Variants in HOXD3 observed in about 807,000 individuals in gnomAD.
HOXD3 encodes homeobox protein Hox-D3.
HOXD3 carries 13 observed loss-of-function variants against 32.8 expected under a neutral mutation model. The ratio of observed to expected loss-of-function variants is 0.40; its 90% CI spans 0.26 to 0.63. HOXD3 has a LOEUF of 0.63. HOXD3 is among the 20% of genes least tolerant of loss of function. HOXD3 has a pLI of 0.44. For missense variants in HOXD3, 504 were observed against 577.1 expected (o/e 0.87, Z 1.30); for synonymous variants, 241 against 246.8 (o/e 0.98, Z 0.22).
In HOXD3 at chr2:176,172,099, A is replaced by G; in HGVS notation, c.1124A>G (p.Asn375Ser). The stretch of plus-strand genomic sequence containing the variant: ...GCGCCCGCGTCCGGGCCTGTCTTCA[A>G]CCTGGGCCACCTCTCGCACCCGTCG... ...SMAPASGPVF[N>S]LGHLSHPSSA... Residue 375 changes from asparagine to serine, a missense_variant, in exon 4 of 4, where the codon AAC becomes AGC. By Grantham distance (46) the Asn-to-Ser change is conservative. This residue lies in a region of HOXD3 where 226 missense variants were observed against 246.9 expected (regional missense o/e 0.92). Transcript: ENST00000683222. 1 of 1,612,552 alleles carries G rather than the reference A, an allele frequency of 6.2e-7. No individual in the cohort carries two copies. The highest frequency in any genetic ancestry group is 1.1e-5 in the South Asian group (1 of 91,064).
At chr2:176,157,095 C>T (rs1690661452), upstream of HOXD3, among the ~76,000 whole-genome samples, 1 of 152,118 alleles carries the variant, frequency 6.6e-6, no homozygotes, top group South Asian at 2.1e-4. Context: ...CCTCGGCGGA[C>T]GGCGCTTCCC....
chr2:176,154,852 T>C (rs1690612521), upstream of HOXD3, among the ~76,000 whole-genome samples: 1 of 152,242 alleles, frequency 6.6e-6, no homozygotes, highest in Non-Finnish European at 1.5e-5. Flanking sequence ...ATTATTCACA[T>C]CATTGTTTCT....
At chr2:176,154,521 G>A (rs1690606067), upstream of HOXD3, among the ~76,000 whole-genome samples, 1 of 152,192 alleles carries the variant, frequency 6.6e-6, no homozygotes, top group African/African-American at 2.4e-5. Context: ...GATCCAGAAG[G>A]GGGGTATTTT....
At chr2:176,153,135 AG>A (rs562064201), upstream of HOXD3, 9 of 345,760 alleles carry the variant, frequency 2.6e-5, 1 homozygote, top group African/African-American at 4.4e-5. Flanking sequence ...TGGGGATGGG[AG>A]GGGGGGCGGG....
Position 176,171,628 on chromosome 2 carries a change from A to C in HOXD3, c.653A>C (p.Tyr218Ser). ...GAAAAGGAATTCCACTTCAACCGCT[A>C]CTTGTGCCGGCCGCGCCGCGTGGAG... Reference protein sequence around the residue: ...ELEKEFHFNRYLCRPRRVEMA... With the variant: ...ELEKEFHFNRSLCRPRRVEMA... The change falls in exon 4 of 4, where the codon TAC becomes TCC. Residue 218 changes from tyrosine (Y) to serine (S), a missense_variant. By Grantham distance (144) the Tyr-to-Ser change is moderately radical (BLOSUM62 -2). Around this residue, in one of 3 missense-constraint regions of HOXD3, gnomAD observed 97 missense variants for 158.0 expected, o/e 0.61. Transcript: ENST00000683222. The C allele has an allele frequency of 6.2e-7, 1 of 1,614,228 alleles. No individual in the cohort carries two copies. Among genetic ancestry groups the C allele is most frequent in the Non-Finnish European group, 8.5e-7 (1 of 1,180,034 alleles).
intron 3 of HOXD3, among the ~76,000 whole-genome samples, chr2:176,169,905 T>C (rs1691116770): frequency 6.6e-6 from 1 of 152,154 alleles, no homozygotes; most frequent in Admixed American, 6.5e-5. Context: ...TGCTTCCTTA[T>C]ATGGGCATAT....
rs73974659 is a variant in HOXD3 at position 176,157,423 on chromosome 2, C to T, written c.-210C>T. On this transcript the variant is annotated 5_prime_UTR_variant, in exon 1 of 4. Coordinates refer to ENST00000683222, the MANE Select transcript of HOXD3 (RefSeq NM_006898.5). ...GGTGCCCCCGGCCCTCCACCCCCGGCCCCCGGCGGGCGCGGGAGCGCGGCC... is the reference window on the plus strand; with the variant it reads ...GGTGCCCCCGGCCCTCCACCCCCGGTCCCCGGCGGGCGCGGGAGCGCGGCC... 0.018 allele frequency among the ~76,000 whole-genome samples: 2,790 copies of T among 152,204 alleles called. 80 individuals are homozygous for T. The highest frequency in any genetic ancestry group is 0.063 in the African/African-American group (2,616 of 41,528).
chr2:176,153,485 C>T (rs926085071), upstream of HOXD3, among the ~76,000 whole-genome samples: 3 of 152,082 alleles, frequency 2.0e-5, no homozygotes, highest in African/African-American at 7.2e-5. Context: ...AGTGGCCCCA[C>T]CTCCAAAGAA....
upstream of HOXD3, among the ~76,000 whole-genome samples, chr2:176,154,755 C>T (rs1690609938): frequency 6.6e-6 from 1 of 152,182 alleles, no homozygotes; most frequent in South Asian, 2.1e-4. Context: ...CTCTTTGTTT[C>T]TCCTTGGGGT....
Position 176,172,488 on chromosome 2 carries a change from A to T in HOXD3, c.*214A>T, listed in dbSNP as rs756805266. 5.2e-6 allele frequency: 3 copies of T among 575,868 alleles called. No homozygotes were observed. Among genetic ancestry groups the T allele is most frequent in the Non-Finnish European group, 9.2e-6 (3 of 326,896 alleles). 35.7% of individuals were successfully genotyped at this position (575,868 alleles called of 1,614,324 possible). ...GGTGACTCGCCATAAATCAGCCGCA[A>T]GGATCCTTCCCTGTAAATTTGACAG... is the stretch of plus-strand genomic sequence containing the variant. On this transcript the variant is annotated 3_prime_UTR_variant, in exon 4 of 4. Transcript: ENST00000683222.
At chr2:176,152,933 G>T (rs1197093173), upstream of HOXD3, 3 of 1,614,088 alleles carry the variant, frequency 1.9e-6, no homozygotes, top group South Asian at 1.1e-5. This position sits in a 1 kb window ranked among gnomAD's most constrained non-coding sequence, Gnocchi z 5.2. Context: ...CGGACCTGAC[G>T]ACCTTATAGA....
intron 1 of HOXD3, among the ~76,000 whole-genome samples, chr2:176,163,361 T>C (rs373186889): frequency 7.1e-6 from 1 of 140,412 alleles, no homozygotes; most frequent in Non-Finnish European, 1.5e-5. Flanking sequence ...GGTCACCCGC[T>C]GAGCGGTGAC....
Position 176,171,846 on chromosome 2 carries a change from G to C in HOXD3, c.871G>C (p.Gly291Arg), listed in dbSNP as rs202241409. 1 of 1,605,568 alleles carries C rather than the reference G, an allele frequency of 6.2e-7. No individual in the cohort carries two copies. Among genetic ancestry groups the C allele is most frequent in the South Asian group, 1.1e-5 (1 of 89,890 alleles). The change falls in exon 4 of 4, where the codon GGC (glycine) becomes CGC (arginine). Residue 291 changes from glycine to arginine, a missense_variant. Coordinates refer to ENST00000683222, the MANE Select transcript of HOXD3 (RefSeq NM_006898.5). Reference protein sequence around the residue: ...AYSGQLPPVPGLAYDAPSPPA... With the variant: ...AYSGQLPPVPRLAYDAPSPPA... The stretch of plus-strand genomic sequence containing the variant: ...CTCCGGCCAGCTGCCGCCAGTGCCC[G>C]GCCTGGCCTACGACGCGCCCTCGCC...
intron 1 of HOXD3, chr2:176,161,142 G>T (rs1690789865): frequency 6.6e-6 from 1 of 152,164 alleles, no homozygotes; most frequent in Non-Finnish European, 1.5e-5. Flanking sequence ...GCCCTGAGCG[G>T]GATATTAAAT....
In HOXD3 at chr2:176,171,640, C is replaced by A. The variant is rs1056813916; in HGVS notation, c.665C>A (p.Pro222Gln). ...CACTTCAACCGCTACTTGTGCCGGC[C>A]GCGCCGCGTGGAGATGGCCAACCTG... Reference protein sequence around the residue: ...EFHFNRYLCRPRRVEMANLLN... With the variant: ...EFHFNRYLCRQRRVEMANLLN... The change falls in exon 4 of 4, where the codon CCG becomes CAG. Residue 222 changes from proline to glutamine, a missense_variant. By Grantham distance (76) the Pro-to-Gln change is moderately conservative. Around this residue, in one of 3 missense-constraint regions of HOXD3, gnomAD observed 97 missense variants for 158.0 expected, o/e 0.61. Transcript: ENST00000683222. 23 of 1,614,198 alleles carry A rather than the reference C, an allele frequency of 1.4e-5. No individual in the cohort carries two copies. Among genetic ancestry groups the A allele is most frequent in the Non-Finnish European group, 1.9e-5 (22 of 1,180,036 alleles).
chr2:176,152,883 C>A (rs765343234), upstream of HOXD3: 17 of 1,614,102 alleles, frequency 1.1e-5, no homozygotes, highest in Admixed American at 1.5e-4. The surrounding 1 kb of genome is among the most constrained non-coding windows in gnomAD (Gnocchi z 5.2). Context: ...CTCAGTCGCC[C>A]CCAGCCAGCA....
rs1416701854 is a variant in HOXD3 at position 176,173,010 on chromosome 2, C to A, written c.*736C>A. On this transcript the variant is annotated 3_prime_UTR_variant, in exon 4 of 4. Transcript: ENST00000683222. ...GGCACAACACACTTTGGTCATTTCT[C>A]AAAAACCACAGTCCTCACCACAGTT... 2 of 152,632 alleles carry A rather than the reference C, an allele frequency of 1.3e-5. No homozygotes were observed. The highest frequency in any genetic ancestry group is 2.9e-5 in the Non-Finnish European group (2 of 68,040). 9.5% of individuals were successfully genotyped at this position (152,632 alleles called of 1,614,324 possible).
intron 1 of HOXD3, among the ~76,000 whole-genome samples, chr2:176,163,392 T>C (rs903877173): frequency 1.3e-5 from 2 of 150,024 alleles, no homozygotes; most frequent in Non-Finnish European, 3.0e-5. Context: ...GAGCTTGGTC[T>C]GTGGCTTTGG....
At chr2:176,163,888 G>T (rs545644289) in intron 1 of HOXD3, among the ~76,000 whole-genome samples, 185 bp from the exon 2 acceptor site, 2 of 152,136 alleles carry the variant, frequency 1.3e-5, no homozygotes, top group Non-Finnish European at 2.9e-5. Context: ...CGTTAAAGGG[G>T]CCCTCGCTCC....
Sources: allele counts gnomAD v4.1 joint callset (sites outside exome capture counted in the v4.1 genomes callset), GRCh38; gene constraint gnomAD v4.1.1; regional missense constraint gnomAD v4.1.1; non-coding constraint Gnocchi (gnomAD v3.1); transcripts MANE v1.5; gene names NCBI Gene and HGNC (gene_info 2026-07-23, HGNC 2026-07-21).